G3BP1: variants seen among roughly 807,000 people sequenced by gnomAD.
G3BP1 encodes ras GTPase-activating protein-binding protein 1.
G3BP1 carries 35 observed loss-of-function variants against 58.6 expected under a neutral mutation model. The observed-to-expected ratio is 0.60, with a 90% CI of 0.46 to 0.79. The LOEUF (loss-of-function observed/expected upper bound fraction) is 0.79. G3BP1 is among the 30% of genes least tolerant of loss of function. The pLI is 0.00. For synonymous variants in G3BP1, 191 were observed against 195.4 expected (o/e 0.98, Z 0.19); for missense variants, 523 against 580.8 (o/e 0.90, Z 1.02).
At chr5:151,778,364 A>T (rs1762408897) in intron 1 of G3BP1, among the ~76,000 whole-genome samples, 1 of 152,100 alleles carries the variant, frequency 6.6e-6, no homozygotes, top group African/African-American at 2.4e-5. Context: ...AGCATTTTTC[A>T]TTTGGCATTC....
chr5:151,774,930 C>CTT (rs111445645), intron 1 of G3BP1, among the ~76,000 whole-genome samples: 100 of 151,978 alleles, frequency 6.6e-4, no homozygotes, highest in African/African-American at 2.2e-3. Flanking sequence ...CAGCTATTTA[C>CTT]TTTTTTTAAA....
Position 151,806,315 on chromosome 5 carries a change from A to G in G3BP1, c.*2224A>G, listed in dbSNP as rs912890460. ...TCTACTCTAAGGAATTAGTAATTTC[A>G]CTTTTTATTATTTGTACCAAATGTA... On this transcript the variant is annotated 3_prime_UTR_variant, in exon 12 of 12. Coordinates refer to ENST00000356245, the MANE Select transcript of G3BP1 (RefSeq NM_005754.3). The G allele has an allele frequency of 6.6e-6, 1 of 152,182 alleles. No homozygotes were observed. Among genetic ancestry groups the G allele is most frequent in the African/African-American group, 2.4e-5 (1 of 41,452 alleles). 9.4% of individuals were successfully genotyped at this position (152,182 alleles called of 1,614,324 possible).
rs1358221110 is a variant in G3BP1, at chr5:151,806,675, C to G, written c.*2584C>G. 3.3e-5 allele frequency: 5 copies of G among 152,148 alleles called. No individual in the cohort carries two copies. Among genetic ancestry groups the G allele is most frequent in the Admixed American group, 6.5e-5 (1 of 15,270 alleles). The allele number at this position is 152,148 out of a possible 1,614,324, so 9.4% of individuals were successfully genotyped here. On this transcript the variant is annotated 3_prime_UTR_variant, in exon 12 of 12. Coordinates refer to ENST00000356245, the MANE Select transcript of G3BP1 (RefSeq NM_005754.3). ...GGGCAACATTTTCTATAGGTGGCAG[C>G]AGTAGGAGCTCATCACATTGAACAT...
intron 4 of G3BP1, 125 bp from the exon 5 acceptor site, chr5:151,794,034 G>A: frequency 1.6e-6 from 1 of 622,558 alleles, no homozygotes; most frequent in Non-Finnish European, 2.9e-6. Flanking sequence ...AACAAAAACT[G>A]AAATGTCTCC....
At chr5:151,789,559 A>G (rs12654877) in intron 2 of G3BP1, among the ~76,000 whole-genome samples, 63,128 of 152,066 alleles carry the variant, frequency 0.42, 13,218 homozygotes, top group South Asian at 0.47. Flanking sequence ...CAGCAGAAAT[A>G]GTTAAAAAGT....
intron 4 of G3BP1, chr5:151,792,046 T>C (rs996075665): frequency 4.4e-6 from 2 of 452,946 alleles, no homozygotes; most frequent in African/African-American, 4.0e-5. Context: ...ATTTTCCAGG[T>C]TCATCTTGCA....
At chr5:151,776,320 G>A (rs1762369712) in intron 1 of G3BP1, among the ~76,000 whole-genome samples, 1 of 152,052 alleles carries the variant, frequency 6.6e-6, no homozygotes, top group South Asian at 2.1e-4. Flanking sequence ...TCAGGTTAGT[G>A]TTTTTTTCCC....
At chr5:151,782,477 T>C (rs567503548) in intron 1 of G3BP1, among the ~76,000 whole-genome samples, 2 of 152,338 alleles carry the variant, frequency 1.3e-5, no homozygotes, top group East Asian at 1.9e-4. Flanking sequence ...CTCAAGGTCA[T>C]GTTTAATAAT....
intron 1 of G3BP1, among the ~76,000 whole-genome samples, chr5:151,781,487 A>G (rs140837829): frequency 3.9e-5 from 6 of 152,336 alleles, no homozygotes; most frequent in Admixed American, 2.6e-4. Context: ...TTTCTCTTCA[A>G]TGAGTAGTTT....
intron 6 of G3BP1, among the ~76,000 whole-genome samples, chr5:151,796,128 G>T (rs1350568585): frequency 6.6e-6 from 1 of 152,276 alleles, no homozygotes; most frequent in South Asian, 2.1e-4. Context: ...TTCAGTGCCT[G>T]AAGGGTGTTT....
intron 1 of G3BP1, chr5:151,772,665 C>A (rs945045839): frequency 6.6e-6 from 1 of 152,342 alleles, no homozygotes; most frequent in Non-Finnish European, 1.5e-5. Flanking sequence ...AGTGAGCTGG[C>A]GAGGTGGGTA....
chr5:151,803,771 G>T, intron 11 of G3BP1, 114 bp from the exon 12 acceptor site: 3 of 698,346 alleles, frequency 4.3e-6, no homozygotes, highest in South Asian at 1.8e-5. Context: ...TGGGATTACA[G>T]GCATGAGTCA....
At chr5:151,803,752 C>T (rs927741952) in intron 11 of G3BP1, 133 bp from the exon 12 acceptor site, 2 of 604,340 alleles carry the variant, frequency 3.3e-6, no homozygotes, top group Non-Finnish European at 5.8e-6. Context: ...TCTCGGCCTC[C>T]CAAAGTGCTG....
At chr5:151,796,461 T>C (rs966777594) in intron 6 of G3BP1, among the ~76,000 whole-genome samples, 2 of 152,116 alleles carry the variant, frequency 1.3e-5, no homozygotes, top group African/African-American at 2.4e-5. Context: ...AGAGATGGGG[T>C]TTCGCCATAT....
chr5:151,790,187 C>T, intron 2 of G3BP1, 136 bp from the exon 3 acceptor site: 1 of 456,002 alleles, frequency 2.2e-6, no homozygotes, highest in Non-Finnish European at 4.0e-6. Flanking sequence ...GCTATGATTG[C>T]ATCACTGCAC....
chr5:151,798,538 T>G (rs1248260236), intron 7 of G3BP1, among the ~76,000 whole-genome samples: 1 of 152,216 alleles, frequency 6.6e-6, no homozygotes, highest in Non-Finnish European at 1.5e-5. Flanking sequence ...GAGAAAGGTG[T>G]TTATGATGAT....
At chr5:151,791,599 T>G (rs1762653873) in intron 4 of G3BP1, 1 of 157,346 alleles carries the variant, frequency 6.4e-6, no homozygotes, top group Non-Finnish European at 1.4e-5. Context: ...TGTCATTTAG[T>G]TGTGATATGA....
chr5:151,800,209 CCTTT>C lies in G3BP1; in HGVS notation c.956-8_956-5del, dbSNP rs1561537378. 3 of 1,611,164 alleles carry C rather than the reference CCTTT, an allele frequency of 1.9e-6. No individual in the cohort carries two copies. The highest frequency in any genetic ancestry group is 2.5e-6 in the Non-Finnish European group (3 of 1,179,412). ...TTGTCTTTCATTGATGTTTTTGTCTCCTTTTAAGTCCGTGAGGCTGGTGAGCAAG... is the reference window on the plus strand; with the variant it reads ...TTGTCTTTCATTGATGTTTTTGTCTCTAAGTCCGTGAGGCTGGTGAGCAAG... On this transcript the variant is annotated splice_polypyrimidine_tract_variant and splice_region_variant and intron_variant, in intron 9 of 11. Transcript: ENST00000356245.
Position 151,811,462 on chromosome 5 carries a change from G to A in G3BP1, c.*7371G>A, listed in dbSNP as rs1246994686. On this transcript the variant is annotated 3_prime_UTR_variant, in exon 12 of 12. Coordinates refer to ENST00000356245, the MANE Select transcript of G3BP1 (RefSeq NM_005754.3). ...TTGGAAGTTCTTGCATATAAAGTTG[G>A]TTAAATAGTAATAATTATGAGTTAA... 6.6e-6 allele frequency: 1 copy of A among 152,174 alleles called. No individual in the cohort carries two copies. The highest frequency in any genetic ancestry group is 2.4e-5 in the African/African-American group (1 of 41,434). The allele number at this position is 152,174 out of a possible 1,614,324, so 9.4% of individuals were successfully genotyped here.
Sources: gnomAD v4.1 joint callset for allele counts (sites outside exome capture counted in the v4.1 genomes callset) on GRCh38, gnomAD v4.1.1 for gene constraint, MANE v1.5 for transcripts, NCBI Gene and HGNC (gene_info 2026-07-23, HGNC 2026-07-21) for gene names.